The following BDKRB2 variants were observed in gnomAD, a reference collection of about 807,000 sequenced individuals.
The protein encoded by BDKRB2 is B2 bradykinin receptor.
A neutral mutation model predicts 4.0 loss-of-function variants in BDKRB2; 6 were observed. The observed-to-expected ratio is 1.49, with a 90% CI of 0.81 to 2.93. The LOEUF is 2.93. BDKRB2 is among the 30% of genes most tolerant of loss of function. The probability of loss-of-function intolerance (pLI) is 0.00; values close to 1 mark genes in which losing one functional copy is unlikely to be tolerated. For missense variants in BDKRB2, 478 were observed against 520.1 expected, an observed-to-expected ratio of 0.92 and a Z score of 0.79; for synonymous variants, 225 against 215.3, an observed-to-expected ratio of 1.05 and a Z score of -0.40.
chr14:96,225,219 G>A (rs6575578), intron 1 of BDKRB2, among the ~76,000 whole-genome samples: 138,961 of 152,142 alleles, frequency 0.91, 63,542 homozygotes, highest in East Asian at 1. Context: ...AGAATCATCT[G>A]TTACATCCCC....
At position 96,241,362 on chromosome 14, in the gene BDKRB2, A is replaced by C. The variant is rs1885286764; in HGVS notation, c.1034A>C (p.Glu345Ala). 6.2e-7 allele frequency: 1 copy of C among 1,613,818 alleles called. No homozygotes were observed. Among genetic ancestry groups the C allele is most frequent in the Admixed American group, 1.7e-5 (1 of 60,000 alleles). ...VGKRFRKKSW[E>A]VYQGVCQKGG... ...AAGCGCTTCCGAAAGAAGTCTTGGG[A>C]GGTGTACCAGGGAGTGTGCCAGAAA... The change falls in exon 3 of 3, where the codon GAG (glutamate) becomes GCG (alanine). Residue 345 changes from glutamate to alanine, a missense_variant. Transcript: ENST00000554311.
intron 1 of BDKRB2, among the ~76,000 whole-genome samples, chr14:96,226,368 G>A (rs1475851854): frequency 3.3e-5 from 5 of 152,182 alleles, no homozygotes. Flanking sequence ...AAAGCAAAGT[G>A]GCAGGCCAGG....
intron 1 of BDKRB2, among the ~76,000 whole-genome samples, chr14:96,213,404 C>A (rs563154182): frequency 9.9e-5 from 15 of 152,198 alleles, no homozygotes; most frequent in Non-Finnish European, 2.1e-4. Context: ...GACAGTCACA[C>A]TGATGGTTTG....
chr14:96,224,489 G>A (rs61193624), intron 1 of BDKRB2, among the ~76,000 whole-genome samples: 1 of 152,116 alleles, frequency 6.6e-6, no homozygotes, highest in African/African-American at 2.4e-5. Flanking sequence ...AAGATATGTT[G>A]CAGGCACTTT....
intron 1 of BDKRB2, among the ~76,000 whole-genome samples, chr14:96,214,322 C>A (rs1309185301): frequency 6.6e-6 from 1 of 152,176 alleles, no homozygotes; most frequent in Non-Finnish European, 1.5e-5. Flanking sequence ...CTTGACAGAA[C>A]AATCTGTGGA....
intron 1 of BDKRB2, among the ~76,000 whole-genome samples, chr14:96,226,197 A>C (rs1388030153): frequency 6.6e-6 from 1 of 152,152 alleles, no homozygotes; most frequent in Non-Finnish European, 1.5e-5. Flanking sequence ...ACCACCATGC[A>C]AAGGCCATTG....
chr14:96,213,491 C>T (rs927262311), intron 1 of BDKRB2, among the ~76,000 whole-genome samples: 4 of 101,122 alleles, frequency 4.0e-5, no homozygotes, highest in Admixed American at 1.1e-4. Flanking sequence ...TCTGGACCGA[C>T]CCAAACACAC....
At chr14:96,217,234 A>G (rs1890448063) in intron 1 of BDKRB2, among the ~76,000 whole-genome samples, 1 of 152,218 alleles carries the variant, frequency 6.6e-6, no homozygotes, top group African/African-American at 2.4e-5. Flanking sequence ...AGGACAGCAT[A>G]TGTGTGTCTC....
At chr14:96,208,448 A>G (rs1890237389) in intron 1 of BDKRB2, among the ~76,000 whole-genome samples, 1 of 152,206 alleles carries the variant, frequency 6.6e-6, no homozygotes. Flanking sequence ...CTTACTGGCC[A>G]GGAAAGTTAT....
At chr14:96,232,210 G>A (rs569028493) in intron 1 of BDKRB2, among the ~76,000 whole-genome samples, 1 of 152,152 alleles carries the variant, frequency 6.6e-6, no homozygotes. Context: ...ACACGGACTC[G>A]TCTACTCCAC....
rs1396126238 is a variant in BDKRB2 at position 96,241,037 on chromosome 14, C to T, written c.709C>T (p.Leu237=). The T allele has an allele frequency of 1.2e-6, 2 of 1,610,272 alleles. No homozygotes were observed. The highest frequency in any genetic ancestry group is 1.3e-5 in the African/African-American group (1 of 74,880). Residue 237 remains leucine, a synonymous_variant, in exon 3 of 3, where the codon CTG becomes TTG. Transcript: ENST00000554311. ...GAATGTCGTGGGCTTCCTGCTGCCCCTGAGTGTCATCACCTTCTGCACGAT... is the reference window on the plus strand; with the variant it reads ...GAATGTCGTGGGCTTCCTGCTGCCCTTGAGTGTCATCACCTTCTGCACGAT... ...LLNVVGFLLP[L]SVITFCTMQI...
chr14:96,218,164 G>C (rs1482813694), intron 1 of BDKRB2, among the ~76,000 whole-genome samples: 1 of 152,120 alleles, frequency 6.6e-6, no homozygotes, highest in Non-Finnish European at 1.5e-5. Context: ...CTCTGGGATT[G>C]TGGAAAGTGC....
intron 1 of BDKRB2, among the ~76,000 whole-genome samples, chr14:96,228,056 C>G (rs1199196467): frequency 6.6e-6 from 1 of 152,252 alleles, no homozygotes; most frequent in African/African-American, 2.4e-5. Flanking sequence ...TCCTGTGAAC[C>G]TGCTCAATCC....
At chr14:96,214,336 G>T (rs1334958822) in intron 1 of BDKRB2, among the ~76,000 whole-genome samples, 1 of 152,178 alleles carries the variant, frequency 6.6e-6, no homozygotes, top group Non-Finnish European at 1.5e-5. Flanking sequence ...CTGTGGATTT[G>T]GGGGAAAGAG....
chr14:96,210,756 TAA>T (rs1021936283), intron 1 of BDKRB2: 17 of 152,228 alleles, frequency 1.1e-4, no homozygotes, highest in African/African-American at 4.1e-4. Flanking sequence ...CCCTTTGGCA[TAA>T]AGAGTTTGGG....
intron 1 of BDKRB2, among the ~76,000 whole-genome samples, chr14:96,205,636 T>C (rs1035561936): frequency 6.6e-6 from 1 of 152,110 alleles, no homozygotes; most frequent in Non-Finnish European, 1.5e-5. Flanking sequence ...AGCACCGGCT[T>C]TGCATCCGGC....
intron 1 of BDKRB2, among the ~76,000 whole-genome samples, chr14:96,225,084 G>A (rs551217036): frequency 6.6e-6 from 1 of 152,262 alleles, no homozygotes; most frequent in South Asian, 2.1e-4. Flanking sequence ...GATGCCAATG[G>A]GTGAGGAGCT....
intron 1 of BDKRB2, among the ~76,000 whole-genome samples, chr14:96,236,356 A>G (rs891256004): frequency 2.0e-5 from 3 of 152,148 alleles, no homozygotes; most frequent in African/African-American, 7.2e-5. Context: ...GAATTCTCCA[A>G]AGAACCTCCC....
At chr14:96,227,260 G>A (rs913110973) in intron 1 of BDKRB2, among the ~76,000 whole-genome samples, 1 of 152,224 alleles carries the variant, frequency 6.6e-6, no homozygotes, top group Non-Finnish European at 1.5e-5. Context: ...TTTGAAGCAT[G>A]TGAAGTATTG....
Sources: gnomAD v4.1 joint callset for allele counts (sites outside exome capture counted in the v4.1 genomes callset) on GRCh38, gnomAD v4.1.1 for gene constraint, MANE v1.5 for transcripts, NCBI Gene and HGNC (gene_info 2026-07-23, HGNC 2026-07-21) for gene names.